Variants in DPP10 observed in about 807,000 individuals in gnomAD.
DPP10 encodes dipeptidyl peptidase like 10.
In DPP10, 33 loss-of-function variants were observed where a neutral mutation model predicts 120.9. The observed-to-expected ratio is 0.27, with a 90% CI of 0.21 to 0.37. The LOEUF is 0.37. Ranked by LOEUF, DPP10 falls within the 10% of genes least tolerant of loss-of-function variation. The probability of loss-of-function intolerance (pLI) is 1.00; values close to 1 mark genes in which losing one functional copy is unlikely to be tolerated. For missense variants in DPP10, 816 were observed against 942.8 expected (o/e 0.87, Z 1.76); for synonymous variants, 337 against 326.1 (o/e 1.03, Z -0.36).
intron 1 of DPP10, among the ~76,000 whole-genome samples, chr2:114,829,953 C>T (rs997992934): frequency 6.6e-6 from 1 of 152,040 alleles, no homozygotes; most frequent in African/African-American, 2.4e-5. Flanking sequence ...GCCGCTGCGG[C>T]CTGTCTTGAA....
At chr2:114,604,492 C>T (rs969552922) in intron 1 of DPP10, among the ~76,000 whole-genome samples, 7 of 152,058 alleles carry the variant, frequency 4.6e-5, no homozygotes, top group African/African-American at 1.7e-4. Context: ...GTACAGATAC[C>T]TTTAGGCAAT....
chr2:115,304,147 G>A (rs4429481), intron 1 of DPP10, among the ~76,000 whole-genome samples: 120,412 of 151,978 alleles, frequency 0.79, 47,965 homozygotes, highest in East Asian at 0.89. Flanking sequence ...CTAAAAGACA[G>A]TTCAAACTTT....
At chr2:114,549,755 C>T (rs954191014) in intron 1 of DPP10, among the ~76,000 whole-genome samples, 2 of 150,700 alleles carry the variant, frequency 1.3e-5, no homozygotes, top group Non-Finnish European at 3.0e-5. Context: ...AGAGGGGCAT[C>T]CTGGTTGGAG....
At chr2:114,567,067 T>G (rs959386492) in intron 1 of DPP10, among the ~76,000 whole-genome samples, 6 of 152,180 alleles carry the variant, frequency 3.9e-5, no homozygotes, top group African/African-American at 1.4e-4. Context: ...GGCTCCCTCC[T>G]TCCTATCTCC....
Position 115,842,526 on chromosome 2 carries a change from T to C in DPP10, c.*181T>C, listed in dbSNP as rs1187682083. 3 of 632,196 alleles carry C rather than the reference T, an allele frequency of 4.7e-6. No homozygotes were observed. In the African/African-American group the frequency reaches 5.6e-5, roughly 12 times the overall value. The allele number at this position is 632,196 out of a possible 1,614,324, so 39.2% of individuals were successfully genotyped here. A position where few individuals can be genotyped will look rare whatever the true frequency, so the allele number is the denominator to read the frequency against. On this transcript the variant is annotated 3_prime_UTR_variant, in exon 26 of 26. Coordinates refer to ENST00000410059, the MANE Select transcript of DPP10 (RefSeq NM_020868.6). ...CACAAGTCCAAGTCTACTGTGTTGC[T>C]AGGGGTGCAGAACCCGTTTCTTTGT...
intron 1 of DPP10, among the ~76,000 whole-genome samples, chr2:115,065,342 A>G (rs1706748791): frequency 6.6e-6 from 1 of 152,134 alleles, no homozygotes; most frequent in Non-Finnish European, 1.5e-5. Context: ...GGGAAGAGAT[A>G]AGGGAGTCAT....
At chr2:115,131,991 G>A (rs1032230769) in intron 1 of DPP10, 10 of 152,094 alleles carry the variant, frequency 6.6e-5, no homozygotes, top group African/African-American at 2.4e-4. Context: ...TCTGGAGGCT[G>A]GGGCAGGATA....
chr2:115,733,330 A>G (rs1190740647), intron 8 of DPP10, among the ~76,000 whole-genome samples: 1 of 152,180 alleles, frequency 6.6e-6, no homozygotes, highest in Non-Finnish European at 1.5e-5. Flanking sequence ...GCTCAGTGTC[A>G]TCTATGGGGC....
intron 2 of DPP10, among the ~76,000 whole-genome samples, chr2:115,335,590 A>C (rs1574470495): frequency 1.3e-5 from 2 of 152,092 alleles, no homozygotes; most frequent in South Asian, 4.1e-4. Flanking sequence ...GTACTAAAAC[A>C]AAATCTTAGG....
At chr2:114,989,361 C>T (rs973664990) in intron 1 of DPP10, among the ~76,000 whole-genome samples, 1 of 152,040 alleles carries the variant, frequency 6.6e-6, no homozygotes, top group African/African-American at 2.4e-5. Flanking sequence ...CCTGGACCTG[C>T]GTGGATGAAT....
intron 1 of DPP10, among the ~76,000 whole-genome samples, chr2:115,241,785 T>C (rs1024499438): frequency 6.6e-6 from 1 of 152,250 alleles, no homozygotes; most frequent in Non-Finnish European, 1.5e-5. Flanking sequence ...TCTTTGCTAA[T>C]TGTTTTACTT....
At chr2:115,430,488 C>T (rs2070872397) in intron 3 of DPP10, among the ~76,000 whole-genome samples, 1 of 152,156 alleles carries the variant, frequency 6.6e-6, no homozygotes, top group South Asian at 2.1e-4. Context: ...GGCTCCTTTA[C>T]ATCTCGATAG....
At chr2:115,596,205 CACCTAGCAAAGGCAGTATCTG>C (rs2082978029) in intron 5 of DPP10, among the ~76,000 whole-genome samples, 1 of 152,084 alleles carries the variant, frequency 6.6e-6, no homozygotes, top group South Asian at 2.1e-4. Context: ...GACCTTAAAA[CACCTAGCAAAGGCAGTATCTG>C]ACCTGCCTGT....
intron 1 of DPP10, among the ~76,000 whole-genome samples, chr2:114,539,966 G>A (rs1398577721): frequency 6.6e-6 from 1 of 152,014 alleles, no homozygotes; most frequent in African/African-American, 2.4e-5. Context: ...AATTCCAAGT[G>A]TTCGCAATTC....
intron 1 of DPP10, among the ~76,000 whole-genome samples, chr2:115,073,194 T>G (rs1188988764): frequency 6.6e-6 from 1 of 152,270 alleles, no homozygotes; most frequent in African/African-American, 2.4e-5. Context: ...AATGTTCATG[T>G]GTACATGGAA....
At chr2:115,648,147 TAGTG>T (rs2087437650) in intron 5 of DPP10, among the ~76,000 whole-genome samples, 1 of 151,666 alleles carries the variant, frequency 6.6e-6, no homozygotes, top group African/African-American at 2.4e-5. Context: ...AAAAAAAAAA[TAGTG>T]AGAACCTAAG....
intron 4 of DPP10, among the ~76,000 whole-genome samples, chr2:115,522,044 C>A (rs1470258426): frequency 6.6e-6 from 1 of 151,920 alleles, no homozygotes; most frequent in Non-Finnish European, 1.5e-5. Flanking sequence ...AATCTGGCCC[C>A]CAAGTATATT....
chr2:115,313,106 C>T (rs1239781407), intron 2 of DPP10, among the ~76,000 whole-genome samples: 1 of 152,036 alleles, frequency 6.6e-6, no homozygotes, highest in Non-Finnish European at 1.5e-5. Flanking sequence ...ACCTGTAGTC[C>T]CAGCTACTCG....
chr2:115,279,448 G>GTTA (rs1299800964), intron 1 of DPP10, among the ~76,000 whole-genome samples: 1 of 151,922 alleles, frequency 6.6e-6, no homozygotes, highest in Admixed American at 6.6e-5. Context: ...TGAACTGCTT[G>GTTA]TTATTGGTCT....
Sources: allele counts gnomAD v4.1 joint callset (sites outside exome capture counted in the v4.1 genomes callset), GRCh38; gene constraint gnomAD v4.1.1; transcripts MANE v1.5; gene names NCBI Gene and HGNC (gene_info 2026-07-23, HGNC 2026-07-21).